Variants in PPP2R1B observed in about 807,000 individuals in gnomAD.
PPP2R1B encodes the protein serine/threonine-protein phosphatase 2A 65 kDa regulatory subunit A beta isoform.
A neutral mutation model predicts 72.7 loss-of-function variants in PPP2R1B; 58 were observed. The observed-to-expected ratio is 0.80, with a 90% confidence interval of 0.65 to 0.99. The LOEUF is 0.99. PPP2R1B is among the 50% of genes least tolerant of loss of function. The probability of loss-of-function intolerance (pLI) is 0.00; values close to 1 mark genes in which losing one functional copy is unlikely to be tolerated. For synonymous variants in PPP2R1B, 256 were observed against 264.6 expected, an observed-to-expected ratio of 0.97 and a Z score of 0.32; for missense variants, 695 against 733.6, an observed-to-expected ratio of 0.95 and a Z score of 0.61.
the PPP2R1B span, among the ~76,000 whole-genome samples, chr11:111,718,039 C>T: frequency 2.0e-5 from 3 of 152,014 alleles, no homozygotes; most frequent in Admixed American, 2.0e-4. Flanking sequence ...TGTAACAAAC[C>T]TGCACATCCT....
At position 111,751,115 on chromosome 11, in the gene PPP2R1B, A is replaced by G. The variant is rs564962531; in HGVS notation, c.1338+1044T>C. ...CTGGCTCCCAAAGTGCTGGGTTTAC[A>G]GGTGTCAGCCACTGTGCCCGGCCTT... On this transcript the variant is annotated intron_variant, in intron 10 of 14. Coordinates refer to ENST00000527614, the MANE Select transcript of PPP2R1B (RefSeq NM_002716.5). Among the ~76,000 whole-genome samples, 4 of 152,316 alleles carry G rather than the reference A, an allele frequency of 2.6e-5. No individual in the cohort carries two copies. In the South Asian group the frequency reaches 8.3e-4, roughly 32 times the overall value.
chr11:111,741,412 G>A lies in PPP2R1B; in HGVS notation c.*184C>T. ...AATAATGATTTAACAAGGAAGACGA[G>A]TAAAAAACAATCCCATTTCATCTTT... On this transcript the variant is annotated 3_prime_UTR_variant, in exon 15 of 15. Coordinates refer to ENST00000527614, the MANE Select transcript of PPP2R1B (RefSeq NM_002716.5). 7.1e-7 allele frequency: 1 copy of A among 1,410,386 alleles called. No homozygotes were observed. The highest frequency in any genetic ancestry group is 1.7e-5 in the South Asian group (1 of 60,124). 87.4% of individuals were successfully genotyped at this position (1,410,386 alleles called of 1,614,324 possible).
At chr11:111,755,991 G>A (rs562325635) in intron 5 of PPP2R1B, among the ~76,000 whole-genome samples, 4 of 151,812 alleles carry the variant, frequency 2.6e-5, no homozygotes, top group South Asian at 2.1e-4. Flanking sequence ...GGCGGATCAC[G>A]AGGTCAGGAG....
chr11:111,747,815 T>G lies in PPP2R1B; in HGVS notation c.1399+139A>C. 3 of 683,960 alleles carry G rather than the reference T, an allele frequency of 4.4e-6. No homozygotes were observed. The Middle Eastern group carries it at 9.0e-4, about 205-fold the overall frequency. The allele number at this position is 683,960 out of a possible 1,614,324, so 42.4% of individuals were successfully genotyped here. On this transcript the variant is annotated intron_variant, in intron 11 of 14. Coordinates refer to ENST00000527614, the MANE Select transcript of PPP2R1B (RefSeq NM_002716.5). ...AAACGTCAAATTTATATTCAGAAGA[T>G]TAAACTTTAATTAGAGCCTTTCTTC...
rs782787553 is a variant in PPP2R1B at position 111,752,344 on chromosome 11, C to T, written c.1165-12G>A. On this transcript the variant is annotated splice_polypyrimidine_tract_variant and intron_variant, in intron 9 of 14. Coordinates refer to ENST00000527614, the MANE Select transcript of PPP2R1B (RefSeq NM_002716.5). ...CGAACGTCAGGACACTGCAAGTACACAAGCCCCAAAAGACCACATTTAAAA... is the reference window on the plus strand; with the variant it reads ...CGAACGTCAGGACACTGCAAGTACATAAGCCCCAAAAGACCACATTTAAAA... 2 of 1,591,880 alleles carry T rather than the reference C, an allele frequency of 1.3e-6. No homozygotes were observed. The highest frequency in any genetic ancestry group is 8.6e-7 in the Non-Finnish European group (1 of 1,168,198).
chr11:111,703,171 T>C, the PPP2R1B span: 4 of 1,600,420 alleles, frequency 2.5e-6, no homozygotes, highest in South Asian at 4.4e-5. Flanking sequence ...AAGGTGATTC[T>C]TGTGACTTTT....
At position 111,760,853 on chromosome 11, in the gene PPP2R1B, T is replaced by C. The variant is rs1945296937; in HGVS notation, c.505A>G (p.Arg169Gly). The change falls in exon 4 of 15, where the codon AGG (arginine) becomes GGG (glycine). Residue 169 changes from arginine to glycine, a missense_variant. Coordinates refer to ENST00000527614, the MANE Select transcript of PPP2R1B (RefSeq NM_002716.5). ...TCTGCTTTAACAGCATTTGATGCCC[T>C]GGGATAGCAAACGCTGAACAAACCA... The part of the protein sequence containing the change: ...ACGLFSVCYP[R>G]ASNAVKAEIR... The C allele has an allele frequency of 7.4e-6, 12 of 1,614,080 alleles. No individual in the cohort carries two copies. Among genetic ancestry groups the C allele is most frequent in the Non-Finnish European group, 1.0e-5 (12 of 1,180,036 alleles).
intron 3 of PPP2R1B, chr11:111,761,301 A>T (rs1450732126): frequency 3.2e-6 from 2 of 621,808 alleles, no homozygotes; most frequent in Non-Finnish European, 6.0e-6. Context: ...TCTACAAATG[A>T]CACAGTGTAA....
chr11:111,751,565 G>C (rs1375502984), intron 10 of PPP2R1B, among the ~76,000 whole-genome samples: 1 of 152,206 alleles, frequency 6.6e-6, no homozygotes, highest in Non-Finnish European at 1.5e-5. Flanking sequence ...AATTTGGGCT[G>C]CTCAACCAGT....
At chr11:111,737,674 G>C, downstream of PPP2R1B, 1 of 1,561,606 alleles carries the variant, frequency 6.4e-7, no homozygotes, top group South Asian at 1.2e-5. Context: ...TGCCAGCAGA[G>C]TTGGGTGTCC....
rs112839606 is a variant in PPP2R1B, at chr11:111,761,909, G to A, written c.307-858C>T. ...CGGGAGGCAGAGGTTGCAGTGAGCC[G>A]AGATTGTGCCACTGTACTTGAGCCT... On this transcript the variant is annotated intron_variant, in intron 3 of 14. Transcript: ENST00000527614. Among the ~76,000 whole-genome samples the A allele has an allele frequency of 2.7e-3, 409 of 152,268 alleles. 3 individuals carry two copies. The highest frequency in any genetic ancestry group is 9.4e-3 in the African/African-American group (391 of 41,540).
chr11:111,689,942 T>C, the PPP2R1B span, among the ~76,000 whole-genome samples: 17 of 152,062 alleles, frequency 1.1e-4, no homozygotes, highest in African/African-American at 4.1e-4. Context: ...ACAAAATGTT[T>C]TTAAGTTAAT....
chr11:111,750,971 T>G (rs180711008), intron 10 of PPP2R1B, among the ~76,000 whole-genome samples: 1 of 152,268 alleles, frequency 6.6e-6, no homozygotes, highest in African/African-American at 2.4e-5. Context: ...CCCGAGTAGC[T>G]GGTATTACAG....
downstream of PPP2R1B, chr11:111,735,186 T>C (rs1253801450): frequency 6.6e-6 from 1 of 152,168 alleles, no homozygotes; most frequent in East Asian, 1.9e-4. Context: ...GGACAGACTG[T>C]GTGCAGAGAA....
chr11:111,733,350 G>A (rs1188142013), downstream of PPP2R1B, among the ~76,000 whole-genome samples: 2 of 152,136 alleles, frequency 1.3e-5, no homozygotes, highest in Non-Finnish European at 2.9e-5. Flanking sequence ...ACAGGAGGGA[G>A]CCACAGCATG....
chr11:111,726,088 G>A (rs547661800), downstream of PPP2R1B: 2 of 152,162 alleles, frequency 1.3e-5, no homozygotes, highest in South Asian at 2.1e-4. Context: ...TCTGTTTTGA[G>A]TCTTTACAAA....
At chr11:111,707,989 A>T in the PPP2R1B span, among the ~76,000 whole-genome samples, 1 of 152,362 alleles carries the variant, frequency 6.6e-6, no homozygotes, top group African/African-American at 2.4e-5. Context: ...AGTTAAACAA[A>T]TAGAGCACTG....
downstream of PPP2R1B, chr11:111,737,490 G>A (rs1222655333): frequency 1.2e-6 from 2 of 1,614,212 alleles, no homozygotes; most frequent in East Asian, 2.2e-5. Context: ...TTGGGAAGTG[G>A]TTCTTGTCAG....
At chr11:111,743,104 G>C (rs1353150791) in intron 12 of PPP2R1B, among the ~76,000 whole-genome samples, 1 of 151,956 alleles carries the variant, frequency 6.6e-6, no homozygotes, top group Non-Finnish European at 1.5e-5. Context: ...ATGTTGACCA[G>C]GCTAGTCTCA....
Sources: allele counts gnomAD v4.1 joint callset (sites outside exome capture counted in the v4.1 genomes callset), GRCh38; gene constraint gnomAD v4.1.1; transcripts MANE v1.5; gene names NCBI Gene and HGNC (gene_info 2026-07-23, HGNC 2026-07-21).